Variants in GPD1L observed in about 807,000 individuals in gnomAD.
GPD1L encodes the protein glycerol-3-phosphate dehydrogenase 1-like protein.
GPD1L carries 17 observed loss-of-function variants against 32.9 expected under a neutral mutation model. That is an observed-to-expected ratio of 0.52 (90% CI 0.35 to 0.78). The LOEUF (loss-of-function observed/expected upper bound fraction) is 0.78. Ranked by LOEUF, GPD1L falls within the 30% of genes least tolerant of loss-of-function variation. GPD1L has a pLI of 0.01. For missense variants in GPD1L, 361 were observed against 447.8 expected, an observed-to-expected ratio of 0.81 and a Z score of 1.75; for synonymous variants, 187 against 165.9, an observed-to-expected ratio of 1.13 and a Z score of -0.98.
At chr3:32,121,355 C>T (rs1307215493) in intron 1 of GPD1L, among the ~76,000 whole-genome samples, 2 of 151,520 alleles carry the variant, frequency 1.3e-5, no homozygotes, top group African/African-American at 4.9e-5. Flanking sequence ...GCCCCAGGGG[C>T]CTTACTGCTG....
intron 2 of GPD1L, among the ~76,000 whole-genome samples, chr3:32,133,544 A>G (rs1280105051): frequency 6.6e-6 from 1 of 152,190 alleles, no homozygotes; most frequent in Non-Finnish European, 1.5e-5. Flanking sequence ...CAAAATATTG[A>G]TAGTGATTAT....
intron 5 of GPD1L, among the ~76,000 whole-genome samples, chr3:32,157,880 C>T (rs533234103): frequency 1.1e-4 from 17 of 152,338 alleles, no homozygotes; most frequent in Middle Eastern, 3.4e-3. Flanking sequence ...AAGGCAGGCT[C>T]TGTGTCTCAT....
intron 5 of GPD1L, among the ~76,000 whole-genome samples, chr3:32,149,161 G>T (rs1346942279): frequency 2.0e-5 from 3 of 152,186 alleles, no homozygotes; most frequent in Admixed American, 6.5e-5. Flanking sequence ...CCAAGCTCAA[G>T]CTGTCCTCCC....
intron 1 of GPD1L, among the ~76,000 whole-genome samples, chr3:32,123,671 C>T (rs1031411978): frequency 2.2e-4 from 33 of 151,988 alleles, no homozygotes; most frequent in African/African-American, 7.7e-4. Context: ...CCTGTGCCCT[C>T]GATTCTCAAA....
chr3:32,132,813 T>G (rs1032535750), intron 2 of GPD1L, among the ~76,000 whole-genome samples: 3 of 152,166 alleles, frequency 2.0e-5, no homozygotes, highest in African/African-American at 7.2e-5. Context: ...ATTATTGGTG[T>G]TGTACTGGGG....
chr3:32,150,499 T>C (rs897669896), intron 5 of GPD1L, among the ~76,000 whole-genome samples: 1 of 106,250 alleles, frequency 9.4e-6, no homozygotes, highest in Non-Finnish European at 2.0e-5. Context: ...TCTTAACAAC[T>C]TTTTTTTTTT....
chr3:32,126,488 C>T (rs950092899), intron 1 of GPD1L, among the ~76,000 whole-genome samples: 2 of 152,162 alleles, frequency 1.3e-5, no homozygotes, highest in Non-Finnish European at 2.9e-5. Flanking sequence ...TTACTTGATG[C>T]CAGGGAACAC....
At chr3:32,121,687 A>C (rs1025051024) in intron 1 of GPD1L, among the ~76,000 whole-genome samples, 110 of 137,928 alleles carry the variant, frequency 8.0e-4, no homozygotes, top group Non-Finnish European at 1.4e-3. Flanking sequence ...GTATATTTCT[A>C]TATATATATT....
At chr3:32,128,346 C>A in intron 2 of GPD1L, 93 bp downstream of exon 2, 3 of 1,029,940 alleles carry the variant, frequency 2.9e-6, no homozygotes, top group Non-Finnish European at 4.6e-6. Context: ...AAGCTGCTTC[C>A]CTTTTCCCCA....
At chr3:32,112,979 C>A in intron 1 of GPD1L, among the ~76,000 whole-genome samples, 1 of 152,118 alleles carries the variant, frequency 6.6e-6, no homozygotes, top group African/African-American at 2.4e-5. Context: ...ACCATGTTTC[C>A]ATAAATTCTT....
chr3:32,150,393 C>T (rs1700897765), intron 5 of GPD1L, among the ~76,000 whole-genome samples: 1 of 152,172 alleles, frequency 6.6e-6, no homozygotes, highest in South Asian at 2.1e-4. Context: ...TTTCCTGCCT[C>T]AGCCTCCCAA....
At chr3:32,124,075 C>CT (rs1700468940) in intron 1 of GPD1L, among the ~76,000 whole-genome samples, 1 of 151,952 alleles carries the variant, frequency 6.6e-6, no homozygotes, top group Admixed American at 6.6e-5. Flanking sequence ...TTCTTTCTTT[C>CT]TTTTTTCCCA....
At chr3:32,144,677 TTTG>T (rs537706656) in intron 4 of GPD1L, among the ~76,000 whole-genome samples, 12 of 151,648 alleles carry the variant, frequency 7.9e-5, no homozygotes, top group African/African-American at 1.2e-4. Context: ...ATTACTGGGG[TTTG>T]TTGTTGTTGT....
At chr3:32,154,159 G>C (rs1372392777) in intron 5 of GPD1L, among the ~76,000 whole-genome samples, 1 of 152,060 alleles carries the variant, frequency 6.6e-6, no homozygotes, top group South Asian at 2.1e-4. Context: ...GTCATAAGGC[G>C]ACTAAACTGG....
chr3:32,156,180 G>A (rs1213126343), intron 5 of GPD1L, among the ~76,000 whole-genome samples: 1 of 152,182 alleles, frequency 6.6e-6, no homozygotes, highest in Non-Finnish European at 1.5e-5. Context: ...GATGCTGCCT[G>A]TTGCTGAGAG....
In GPD1L at chr3:32,128,205, C is replaced by A. The variant is rs762919158; in HGVS notation, c.177C>A (p.Asp59Glu). Reference sequence around the variant, plus strand: ...AACTGACAGACATCATAAATAATGACCATGAAAATGTAAAATATCTTCCTG... The same window carrying A: ...AACTGACAGACATCATAAATAATGAACATGAAAATGTAAAATATCTTCCTG... ...GRKLTDIINN[D>E]HENVKYLPGH... Residue 59 changes from aspartate to glutamate, a missense_variant, in exon 2 of 8, where the codon GAC (aspartate) becomes GAA (glutamate). Physicochemically the swap from Asp to Glu is conservative, Grantham distance 45. Coordinates refer to ENST00000282541, the MANE Select transcript of GPD1L (RefSeq NM_015141.4). 1.2e-6 allele frequency: 2 copies of A among 1,613,658 alleles called. No individual in the cohort carries two copies. Among genetic ancestry groups the A allele is most frequent in the South Asian group, 1.1e-5 (1 of 91,064 alleles).
chr3:32,162,202 G>A lies in GPD1L; in HGVS notation c.959+2528G>A, dbSNP rs138606346. Reference sequence around the variant, plus strand: ...TGAACACCATGGTCCCTACCAGCTTGAGCATTCACATTCAGAGGCCTCCTG... The same window carrying A: ...TGAACACCATGGTCCCTACCAGCTTAAGCATTCACATTCAGAGGCCTCCTG... On this transcript the variant is annotated intron_variant, in intron 7 of 7. Transcript: ENST00000282541. 1.1e-3 allele frequency among the ~76,000 whole-genome samples: 169 copies of A among 152,272 alleles called. 1 individual carries two copies. The East Asian group carries it at 0.028, about 26-fold the overall frequency.
At chr3:32,145,391 A>C (rs933109688) in intron 4 of GPD1L, among the ~76,000 whole-genome samples, 4 of 152,176 alleles carry the variant, frequency 2.6e-5, no homozygotes, top group Non-Finnish European at 5.9e-5. Context: ...CCTTTGAGAA[A>C]ATATGAGATT....
chr3:32,147,608 C>CA (rs370957314), intron 5 of GPD1L, among the ~76,000 whole-genome samples: 15 of 152,042 alleles, frequency 9.9e-5, no homozygotes, highest in African/African-American at 3.6e-4. Context: ...CTATCATCTA[C>CA]AAAAAAGAGT....
Sources: allele counts gnomAD v4.1 joint callset (sites outside exome capture counted in the v4.1 genomes callset), GRCh38; gene constraint gnomAD v4.1.1; transcripts MANE v1.5; gene names NCBI Gene and HGNC (gene_info 2026-07-23, HGNC 2026-07-21).